The following WNK1 variants were observed in gnomAD, a reference collection of about 807,000 sequenced individuals.
The protein encoded by WNK1 is serine/threonine-protein kinase WNK1.
WNK1 carries 38 observed loss-of-function variants against 222.8 expected under a neutral mutation model. The observed-to-expected ratio is 0.17, with a 90% CI of 0.13 to 0.22. WNK1 has a LOEUF of 0.22. Ranked by LOEUF, WNK1 falls within the 10% of genes least tolerant of loss-of-function variation. WNK1 has a pLI of 1.00. For missense variants in WNK1, 2,348 were observed against 2,918.4 expected (o/e 0.80, Z 4.50); for synonymous variants, 1,090 against 1,092.9 (o/e 1.00, Z 0.05).
intron 1 of WNK1, among the ~76,000 whole-genome samples, chr12:803,016 G>A (rs1946032368): frequency 1.3e-5 from 2 of 152,034 alleles, no homozygotes; most frequent in South Asian, 4.1e-4. Context: ...ATGACTCAGG[G>A]ACATCACACA....
chr12:787,794 A>G (rs567748505), intron 1 of WNK1, among the ~76,000 whole-genome samples: 2 of 152,174 alleles, frequency 1.3e-5, no homozygotes, highest in African/African-American at 4.8e-5. Flanking sequence ...AAATGTTAAA[A>G]ACTTAGATGT....
chr12:784,369 C>T (rs1051567388), intron 1 of WNK1, among the ~76,000 whole-genome samples: 6 of 152,134 alleles, frequency 3.9e-5, no homozygotes, highest in Non-Finnish European at 7.4e-5. Flanking sequence ...GTTCAACAGC[C>T]TTTCCCTACC....
intron 3 of WNK1, among the ~76,000 whole-genome samples, chr12:829,744 T>G (rs7300056): frequency 2.0e-5 from 3 of 152,204 alleles, no homozygotes; most frequent in South Asian, 2.1e-4. Flanking sequence ...AAGAAATTCA[T>G]TTTACACAGT....
At chr12:797,970 C>G (rs1479906140) in intron 1 of WNK1, among the ~76,000 whole-genome samples, 1 of 148,438 alleles carries the variant, frequency 6.7e-6, no homozygotes, top group African/African-American at 2.5e-5. Context: ...AAAAAAATCA[C>G]TGTCTAACCT....
At position 867,969 on chromosome 12, in the gene WNK1, C is replaced by T. The variant is rs1369772832; in HGVS notation, c.2140-3296C>T. On this transcript the variant is annotated intron_variant, in intron 8 of 27. Coordinates refer to ENST00000315939, the MANE Select transcript of WNK1 (RefSeq NM_018979.4). The stretch of plus-strand genomic sequence containing the variant: ...CGTCCAGTTTCTTTTTCACCACCTC[C>T]CACCTGCCCACCGAAAGTAGCCATT... 22 of 1,613,876 alleles carry T rather than the reference C, an allele frequency of 1.4e-5. No individual in the cohort carries two copies. In the Admixed American group the frequency reaches 3.3e-4, roughly 24 times the overall value.
Position 881,652 on chromosome 12 carries a change from C to G in WNK1, c.3112-40C>G, listed in dbSNP as rs1220780294. On this transcript the variant is annotated intron_variant, in intron 12 of 27. Coordinates refer to ENST00000315939, the MANE Select transcript of WNK1 (RefSeq NM_018979.4). The stretch of plus-strand genomic sequence containing the variant: ...TTATTGGGGATAGTGAATGATAAAT[C>G]TATTACTACCGAGATTTGAGTTATC... 3.3e-6 allele frequency: 5 copies of G among 1,499,264 alleles called. No homozygotes were observed. In the East Asian group the frequency reaches 9.0e-5, roughly 27 times the overall value. The allele number at this position is 1,499,264 out of a possible 1,614,324, so 92.9% of individuals were successfully genotyped here.
intron 1 of WNK1, among the ~76,000 whole-genome samples, chr12:807,803 TCCGCCTC>T (rs1946514124): frequency 7.5e-6 from 1 of 133,492 alleles, no homozygotes; most frequent in African/African-American, 2.8e-5. Context: ...CACTGCAAGC[TCCGCCTC>T]CCGGGTTCAC....
rs1238369265 is a variant in WNK1 at position 884,353 on chromosome 12, A to G, written c.3844+110A>G. On this transcript the variant is annotated intron_variant, in intron 18 of 27. Transcript: ENST00000315939. The surrounding 1 kb of genome is among the most constrained non-coding windows in gnomAD (Gnocchi z 5.6). ...ATGATGACACAGATAATAAAAAAGA[A>G]TAGAAAACTGAAGTTATAACCAACA... 2.6e-6 allele frequency: 4 copies of G among 1,514,528 alleles called. No individual in the cohort carries two copies. The highest frequency in any genetic ancestry group is 2.7e-6 in the Non-Finnish European group (3 of 1,097,810). 93.8% of individuals were successfully genotyped at this position (1,514,528 alleles called of 1,614,324 possible). A position where few individuals can be genotyped will look rare whatever the true frequency, so the allele number is the denominator to read the frequency against.
At chr12:778,783 A>C (rs999190002) in intron 1 of WNK1, among the ~76,000 whole-genome samples, 1 of 152,162 alleles carries the variant, frequency 6.6e-6, no homozygotes, top group African/African-American at 2.4e-5. Context: ...AACGAATTTT[A>C]AATTCTTAGT....
Position 759,554 on chromosome 12 carries a change from C to T in WNK1, c.759+5230C>T, listed in dbSNP as rs560827296. 3.9e-4 allele frequency among the ~76,000 whole-genome samples: 58 copies of T among 147,808 alleles called. 5 individuals carry two copies. In the South Asian group the frequency reaches 0.012, roughly 32 times the overall value. On this transcript the variant is annotated intron_variant, in intron 1 of 27. Transcript: ENST00000315939. ...CCATGTTGGCCAGGCTGGTCTTGAACACCTGACCTCGTGATCTGCCCGCCT... is the reference window on the plus strand; with the variant it reads ...CCATGTTGGCCAGGCTGGTCTTGAATACCTGACCTCGTGATCTGCCCGCCT...
chr12:881,333 G>A (rs1212862592), intron 12 of WNK1: 11 of 441,214 alleles, frequency 2.5e-5, no homozygotes, highest in Non-Finnish European at 4.6e-5. Context: ...TGTGCTCTCA[G>A]CAATCATTTT....
At chr12:856,121 G>A (rs1295519023) in intron 4 of WNK1, among the ~76,000 whole-genome samples, 1 of 151,702 alleles carries the variant, frequency 6.6e-6, no homozygotes, top group Non-Finnish European at 1.5e-5. Context: ...TTACAGGTGT[G>A]AGCCACGGCG....
intron 1 of WNK1, among the ~76,000 whole-genome samples, chr12:779,526 T>A (rs934397421): frequency 1.3e-5 from 2 of 151,764 alleles, no homozygotes; most frequent in Non-Finnish European, 2.9e-5. Flanking sequence ...TGTCTCAGCC[T>A]CCTGAGTAGC....
At chr12:813,547 A>G in intron 1 of WNK1, 95 bp from the exon 2 acceptor site, 1 of 1,332,446 alleles carries the variant, frequency 7.5e-7, no homozygotes, top group Middle Eastern at 2.5e-4. Flanking sequence ...AACACCATCG[A>G]TCATGATTTA....
chr12:900,426 G>A (rs779593525), intron 25 of WNK1, 50 bp from the exon 26 acceptor site: 2 of 1,599,018 alleles, frequency 1.3e-6, no homozygotes. Flanking sequence ...CCTGATGAGT[G>A]CATGGGAAGA....
intron 6 of WNK1, 144 bp from the exon 7 acceptor site, chr12:860,869 T>A: frequency 1.2e-6 from 1 of 817,458 alleles, no homozygotes; most frequent in East Asian, 2.4e-5. Flanking sequence ...ACAGTTCGGT[T>A]AAGGCCAGTC....
chr12:879,302 C>G (rs1425185133), intron 10 of WNK1, among the ~76,000 whole-genome samples: 1 of 151,808 alleles, frequency 6.6e-6, no homozygotes, highest in East Asian at 1.9e-4. Flanking sequence ...TTGCCAAATG[C>G]TGAAGCATTA....
chr12:834,309 G>A lies in WNK1; in HGVS notation c.1311+4149G>A, dbSNP rs116286510. ...TCTCATCTCAGAGCAGAGAGTTTCC[G>A]GTTGGTAATTAAGAGGCAAACTTCT... On this transcript the variant is annotated intron_variant, in intron 4 of 27. Transcript: ENST00000315939. Among the ~76,000 whole-genome samples, 203 of 152,220 alleles carry A rather than the reference G, an allele frequency of 1.3e-3. 2 individuals carry two copies. Among genetic ancestry groups the A allele is most frequent in the African/African-American group, 4.5e-3 (187 of 41,540 alleles).
At chr12:781,816 CTT>C (rs567165988) in intron 1 of WNK1, among the ~76,000 whole-genome samples, 1 of 149,354 alleles carries the variant, frequency 6.7e-6, no homozygotes, top group Admixed American at 6.7e-5. Context: ...ATTGAGATAA[CTT>C]TTTTTTTTGA....
Sources: allele counts gnomAD v4.1 joint callset (sites outside exome capture counted in the v4.1 genomes callset), GRCh38; gene constraint gnomAD v4.1.1; non-coding constraint Gnocchi (gnomAD v3.1); transcripts MANE v1.5; gene names NCBI Gene and HGNC (gene_info 2026-07-23, HGNC 2026-07-21).